Variants in NEK9 observed in about 807,000 individuals in gnomAD.
The protein encoded by NEK9 is serine/threonine-protein kinase Nek9.
Under a neutral mutation model 123.4 loss-of-function variants are expected in NEK9, and 75 were observed. That is an observed-to-expected ratio of 0.61 (90% CI 0.50 to 0.74). The LOEUF (loss-of-function observed/expected upper bound fraction) is 0.74, where lower values mean the gene tolerates loss of function less well. Among genes scored for constraint, NEK9 ranks in the 30% least tolerant of loss-of-function variants. NEK9 has a pLI of 0.00. For synonymous variants in NEK9, 438 were observed against 458.7 expected (o/e 0.95, Z 0.58); for missense variants, 952 against 1,214.4 (o/e 0.78, Z 3.21).
intron 21 of NEK9, chr14:75,084,990 C>T: frequency 3.3e-6 from 1 of 302,070 alleles, no homozygotes. Context: ...CCTGCTATAG[C>T]TGCCAATCTT....
At chr14:75,094,298 G>A (rs975299040) in intron 18 of NEK9, among the ~76,000 whole-genome samples, 9 of 152,024 alleles carry the variant, frequency 5.9e-5, no homozygotes, top group African/African-American at 2.2e-4. Context: ...TCATTTATTC[G>A]AGATAGGGTC....
chr14:75,109,802 T>C lies in NEK9; in HGVS notation c.1065A>G (p.Gly355=). 6.2e-7 allele frequency: 1 copy of C among 1,614,160 alleles called. No homozygotes were observed. The highest frequency in any genetic ancestry group is 1.3e-5 in the African/African-American group (1 of 75,046). Reference sequence around the variant, plus strand: ...CATCCAGTTTCTGGGGGGTGGATTTTCCACCACCCCAAACATAGACTTCAC... The same window carrying C: ...CATCCAGTTTCTGGGGGGTGGATTTCCCACCACCCCAAACATAGACTTCAC... ...RTSEVYVWGG[G]KSTPQKLDVI... Residue 355 remains glycine (G), a synonymous_variant, in exon 10 of 22, where the codon GGA becomes GGG. Transcript: ENST00000238616.
In NEK9 at chr14:75,082,138, T is replaced by C. The variant is rs1893883865; in HGVS notation, c.*2426A>G. 6.6e-6 allele frequency: 1 copy of C among 152,212 alleles called. No homozygotes were observed. The highest frequency in any genetic ancestry group is 1.5e-5 in the Non-Finnish European group (1 of 68,040). The allele number at this position is 152,212 out of a possible 1,614,324, so 9.4% of individuals were successfully genotyped here. On this transcript the variant is annotated 3_prime_UTR_variant, in exon 22 of 22. Transcript: ENST00000238616. ...AGTACTGATTAAGAGCTTAAATGTT[T>C]ATTTAAAACAGAAATGCCAAACCAC...
At chr14:75,120,148 A>ATCTTTTTTTTTTTTTT (rs1191203688) in intron 4 of NEK9, among the ~76,000 whole-genome samples, 1 of 152,244 alleles carries the variant, frequency 6.6e-6, no homozygotes, top group Non-Finnish European at 1.5e-5. Flanking sequence ...AAATTAAAAG[A>ATCTTTTTTTTTTTTTT]TCTTAATTAT....
Position 75,100,977 on chromosome 14 carries a change from TA to T in NEK9, c.2002+14del, listed in dbSNP as rs1566647073. On this transcript the variant is annotated intron_variant, in intron 16 of 21. Transcript: ENST00000238616. ...CATGTGTCCAGAAAGCTTGAAATGA[TA>T]TGTACAGACTCACCATCAGTGGCAG... 13 of 1,611,438 alleles carry T rather than the reference TA, an allele frequency of 8.1e-6. No individual in the cohort carries two copies. The highest frequency in any genetic ancestry group is 1.1e-5 in the Non-Finnish European group (13 of 1,179,018).
rs756633251 is a variant in NEK9 at position 75,126,823 on chromosome 14, G to T, written c.99C>A (p.Ser33Arg). ...CGCCGGCTCGCGGCCCCTGACTGGC[G>T]CTAGGCCCCGGACTCGAGTCCCCGC... ...GGCGDSSPGPSASQGPRAGGG... is the reference protein window; with the variant it reads ...GGCGDSSPGPRASQGPRAGGG... The change falls in exon 1 of 22, where the codon AGC (serine) becomes AGA (arginine). Residue 33 changes from serine (S) to arginine (R), a missense_variant. Transcript: ENST00000238616. The T allele has an allele frequency of 6.5e-7, 1 of 1,533,216 alleles. No individual in the cohort carries two copies. The highest frequency in any genetic ancestry group is 1.2e-5 in the South Asian group (1 of 82,016). The allele number at this position is 1,533,216 out of a possible 1,614,324, so 95.0% of individuals were successfully genotyped here.
At chr14:75,101,315 A>T (rs185693924) in intron 15 of NEK9, among the ~76,000 whole-genome samples, 162 bp from the exon 16 acceptor site, 18 of 152,356 alleles carry the variant, frequency 1.2e-4, no homozygotes, top group African/African-American at 3.8e-4. Flanking sequence ...GTATCTAGGC[A>T]CTATAACCAA....
At chr14:75,104,488 CTTT>C (rs56719668) in intron 13 of NEK9, among the ~76,000 whole-genome samples, 2 of 142,400 alleles carry the variant, frequency 1.4e-5, no homozygotes, top group African/African-American at 5.3e-5. Flanking sequence ...TTCTTTTCTT[CTTT>C]TTTTTTTTGA....
At chr14:75,087,641 A>C in intron 20 of NEK9, among the ~76,000 whole-genome samples, 1 of 152,238 alleles carries the variant, frequency 6.6e-6, no homozygotes, top group East Asian at 1.9e-4. Flanking sequence ...AAGATCTGAG[A>C]GGTGGTCAGT....
intron 20 of NEK9, among the ~76,000 whole-genome samples, chr14:75,087,507 C>T (rs1894067619): frequency 1.3e-5 from 2 of 152,126 alleles, no homozygotes. Flanking sequence ...TTTTAAAGCA[C>T]CTTGGTATCT....
intron 14 of NEK9, among the ~76,000 whole-genome samples, 197 bp downstream of exon 14, chr14:75,103,645 G>A (rs1894664677): frequency 1.3e-5 from 2 of 152,026 alleles, no homozygotes; most frequent in Admixed American, 6.6e-5. Context: ...AGTTAATTTT[G>A]CCTGTTCTTA....
chr14:75,126,282 T>A (rs981944262), intron 1 of NEK9, among the ~76,000 whole-genome samples: 7 of 152,048 alleles, frequency 4.6e-5, no homozygotes, highest in Admixed American at 1.3e-4. Context: ...CCCCTCCTCC[T>A]CACCCCGACC....
intron 19 of NEK9, among the ~76,000 whole-genome samples, chr14:75,089,227 C>T (rs534914768): frequency 2.0e-5 from 3 of 152,184 alleles, no homozygotes; most frequent in South Asian, 2.1e-4. Flanking sequence ...CCACCATGCC[C>T]GGCTAATTAT....
chr14:75,092,260 C>A (rs1894242424), intron 18 of NEK9, among the ~76,000 whole-genome samples: 1 of 137,880 alleles, frequency 7.3e-6, no homozygotes, highest in Non-Finnish European at 1.6e-5. Context: ...GCGTGAGCCA[C>A]TGCACCCAGC....
intron 15 of NEK9, 136 bp downstream of exon 15, chr14:75,101,521 C>A: frequency 1.8e-6 from 1 of 565,790 alleles, no homozygotes; most frequent in Non-Finnish European, 3.1e-6. Context: ...AAAATATGTA[C>A]CTGAATACAT....
chr14:75,107,459 C>A lies in NEK9; in HGVS notation c.1211G>T (p.Gly404Val). Residue 404 changes from glycine to valine, a missense_variant, in exon 11 of 22, where the codon GGT (glycine) becomes GTT (valine). Physicochemically the swap from Gly to Val is moderately radical, Grantham distance 109 (BLOSUM62 -3). Coordinates refer to ENST00000238616, the MANE Select transcript of NEK9 (RefSeq NM_033116.6). ...VNMQGGTKLH[G>V]QLGHGDKASY... Reference sequence around the variant, plus strand: ...GGCTTTGTCTCCATGGCCCAGCTGACCATGGAGTTTAGTGCCTCCTTGCAT... The same window carrying A: ...GGCTTTGTCTCCATGGCCCAGCTGAACATGGAGTTTAGTGCCTCCTTGCAT... 6.2e-7 allele frequency: 1 copy of A among 1,612,440 alleles called. No homozygotes were observed. Among genetic ancestry groups the A allele is most frequent in the Non-Finnish European group, 8.5e-7 (1 of 1,179,322 alleles).
intron 1 of NEK9, among the ~76,000 whole-genome samples, chr14:75,124,713 TTTG>T (rs144649340): frequency 0.018 from 2,685 of 151,960 alleles, 88 homozygotes; most frequent in African/African-American, 0.062. Context: ...CATGACCCCT[TTTG>T]CAACTCTATA....
chr14:75,104,029 A>G (rs1345699803), intron 13 of NEK9, 32 bp from the exon 14 acceptor site: 1 of 1,588,946 alleles, frequency 6.3e-7, no homozygotes, highest in Admixed American at 1.8e-5. Flanking sequence ...AAGAAATCCC[A>G]AATATATAAT....
rs1406898620 is a variant in NEK9 at position 75,084,428 on chromosome 14, A to G, written c.*136T>C. The G allele has an allele frequency of 2.1e-6, 2 of 967,262 alleles. No homozygotes were observed. The highest frequency in any genetic ancestry group is 3.3e-5 in the African/African-American group (2 of 61,142). 59.9% of individuals were successfully genotyped at this position (967,262 alleles called of 1,614,324 possible). A position where few individuals can be genotyped will look rare whatever the true frequency, so the allele number is the denominator to read the frequency against. ...ATGCCACTCTCCAAATGTACAAGGA[A>G]AGTGCTTCAGAGCCTCTGCCTTGCG... On this transcript the variant is annotated 3_prime_UTR_variant, in exon 22 of 22. Transcript: ENST00000238616.
Sources: gnomAD v4.1 joint callset for allele counts (sites outside exome capture counted in the v4.1 genomes callset) on GRCh38, gnomAD v4.1.1 for gene constraint, MANE v1.5 for transcripts, NCBI Gene and HGNC (gene_info 2026-07-23, HGNC 2026-07-21) for gene names.